The following CSMD3 variants were observed in gnomAD, a reference collection of about 807,000 sequenced individuals.
CSMD3 encodes CUB and sushi domain-containing protein 3.
CSMD3 carries 177 observed loss-of-function variants against 435.2 expected under a neutral mutation model. That is an observed-to-expected ratio of 0.41 (90% confidence interval 0.36 to 0.46). The LOEUF (loss-of-function observed/expected upper bound fraction) is 0.46. CSMD3 is among the 20% of genes least tolerant of loss of function. The pLI, the probability that CSMD3 is intolerant of heterozygous loss-of-function variation, is 0.34. For synonymous variants in CSMD3, 1,656 were observed against 1,520.5 expected (o/e 1.09, Z -2.07); for missense variants, 4,265 against 4,504.6 (o/e 0.95, Z 1.52).
intron 16 of CSMD3, among the ~76,000 whole-genome samples, chr8:112,679,533 T>C (rs1016477319): frequency 6.6e-6 from 1 of 152,224 alleles, no homozygotes; most frequent in Non-Finnish European, 1.5e-5. Context: ...GGAGGGCTTA[T>C]TGGCCTTTGT....
At chr8:112,471,944 G>A (rs1818562490) in intron 32 of CSMD3, among the ~76,000 whole-genome samples, 1 of 152,136 alleles carries the variant, frequency 6.6e-6, no homozygotes, top group African/African-American at 2.4e-5. Flanking sequence ...GCTCCAGCTG[G>A]ATCTCAGAAC....
At chr8:112,781,332 CCTT>C (rs2078380213) in intron 13 of CSMD3, among the ~76,000 whole-genome samples, 1 of 151,972 alleles carries the variant, frequency 6.6e-6, no homozygotes, top group Non-Finnish European at 1.5e-5. Flanking sequence ...AGGTGAGACT[CCTT>C]CTACTTGAGG....
At chr8:112,467,048 T>C (rs1818026147) in intron 32 of CSMD3, among the ~76,000 whole-genome samples, 1 of 152,230 alleles carries the variant, frequency 6.6e-6, no homozygotes, top group Non-Finnish European at 1.5e-5. Context: ...TTCAAGGCAG[T>C]GGCAGCTACT....
chr8:113,317,508 T>G (rs531681807), intron 1 of CSMD3, among the ~76,000 whole-genome samples: 46 of 152,356 alleles, frequency 3.0e-4, no homozygotes, highest in African/African-American at 1.0e-3. Context: ...TTAGACAAAT[T>G]AGGAATTACA....
chr8:112,867,649 A>G (rs1195879431), intron 10 of CSMD3, among the ~76,000 whole-genome samples: 1 of 152,154 alleles, frequency 6.6e-6, no homozygotes, highest in East Asian at 1.9e-4. Context: ...GACAATTAGA[A>G]CACAATGATA....
intron 13 of CSMD3, among the ~76,000 whole-genome samples, chr8:112,765,729 C>T (rs2077961738): frequency 6.6e-6 from 1 of 151,598 alleles, no homozygotes; most frequent in Non-Finnish European, 1.5e-5. Context: ...CATTGGAAAA[C>T]ATTTGTTAGT....
intron 3 of CSMD3, among the ~76,000 whole-genome samples, chr8:113,265,977 A>G (rs1382096085): frequency 6.6e-6 from 1 of 151,546 alleles, no homozygotes; most frequent in East Asian, 1.9e-4. Context: ...AAAATCCATT[A>G]ACTTTTTATG....
chr8:112,940,553 C>T (rs2083421517), intron 9 of CSMD3, among the ~76,000 whole-genome samples: 1 of 151,668 alleles, frequency 6.6e-6, no homozygotes, highest in Non-Finnish European at 1.5e-5. Flanking sequence ...ATAGAAAATG[C>T]TGCCAACTTT....
chr8:113,043,163 A>T (rs1486260967), intron 5 of CSMD3, among the ~76,000 whole-genome samples: 1 of 152,192 alleles, frequency 6.6e-6, no homozygotes, highest in South Asian at 2.1e-4. Flanking sequence ...ACACATACAT[A>T]ATAGGTCACC....
rs551008827 is a variant in CSMD3, at chr8:112,984,250, A to ATATAT, written c.1031-8103_1031-8102insATATA. ...GTATTTCTTATGTGATTATTATGCT[A>ATATAT]ATTTCCTTTACACAAATACCTTTCA... On this transcript the variant is annotated intron_variant, in intron 6 of 70. Transcript: ENST00000297405. Among the ~76,000 whole-genome samples the ATATAT allele has an allele frequency of 5.9e-5, 9 of 152,050 alleles. No individual in the cohort carries two copies. The South Asian group carries it at 1.9e-3, about 32-fold the overall frequency.
At chr8:112,506,977 A>G in intron 28 of CSMD3, 148 bp from the exon 29 acceptor site, 1 of 697,614 alleles carries the variant, frequency 1.4e-6, no homozygotes, top group Admixed American at 2.4e-5. Context: ...ATACAGCATT[A>G]TGTTTCAAGA....
At chr8:113,392,320 G>C (rs918029836) in intron 1 of CSMD3, among the ~76,000 whole-genome samples, 1 of 152,078 alleles carries the variant, frequency 6.6e-6, no homozygotes, top group African/African-American at 2.4e-5. Context: ...TGACAGGAGA[G>C]TGGGCACAGG....
chr8:113,169,218 T>C (rs904826544), intron 4 of CSMD3, among the ~76,000 whole-genome samples: 1 of 152,180 alleles, frequency 6.6e-6, no homozygotes, highest in Non-Finnish European at 1.5e-5. Flanking sequence ...TGGAAAACAG[T>C]CTTCCAAGAA....
At chr8:112,976,250 G>GAT in intron 6 of CSMD3, 102 bp from the exon 7 acceptor site, 2 of 1,354,190 alleles carry the variant, frequency 1.5e-6, no homozygotes, top group Non-Finnish European at 2.1e-6. Context: ...TTACCTTAAG[G>GAT]ATAATCAACA....
chr8:112,969,289 T>C (rs530123113), intron 7 of CSMD3, among the ~76,000 whole-genome samples: 1 of 152,160 alleles, frequency 6.6e-6, no homozygotes, highest in East Asian at 1.9e-4. Flanking sequence ...AAATTCCTGC[T>C]TCTTTGGATT....
intron 12 of CSMD3, among the ~76,000 whole-genome samples, chr8:112,812,529 T>G (rs1277886705): frequency 1.3e-5 from 2 of 152,180 alleles, no homozygotes; most frequent in Non-Finnish European, 2.9e-5. Flanking sequence ...CTTCACTTCC[T>G]TTCATTCCTG....
intron 5 of CSMD3, among the ~76,000 whole-genome samples, chr8:113,080,962 A>C (rs1275708636): frequency 6.6e-6 from 1 of 152,208 alleles, no homozygotes; most frequent in Non-Finnish European, 1.5e-5. Context: ...TTGGAAATTT[A>C]AATTTTATTT....
At chr8:112,278,743 T>C (rs2130553488) in intron 59 of CSMD3, among the ~76,000 whole-genome samples, 1 of 152,224 alleles carries the variant, frequency 6.6e-6, no homozygotes, top group East Asian at 1.9e-4. Context: ...ACAACCTTCG[T>C]TGTTGTTGCT....
chr8:112,527,796 C>A (rs1825125039), intron 27 of CSMD3, among the ~76,000 whole-genome samples: 1 of 151,758 alleles, frequency 6.6e-6, no homozygotes, highest in Admixed American at 6.6e-5. Context: ...GAAATGAATA[C>A]AAAAATAAAA....
Sources: allele counts gnomAD v4.1 joint callset (sites outside exome capture counted in the v4.1 genomes callset), GRCh38; gene constraint gnomAD v4.1.1; transcripts MANE v1.5; gene names NCBI Gene and HGNC (gene_info 2026-07-23, HGNC 2026-07-21).